TMEM245: variants seen among roughly 807,000 people sequenced by gnomAD.
TMEM245 encodes the protein transmembrane protein 245.
A neutral mutation model predicts 101.2 loss-of-function variants in TMEM245; 69 were observed. The observed-to-expected ratio is 0.68, with a 90% CI of 0.56 to 0.83. The LOEUF is 0.83. TMEM245 is among the 40% of genes least tolerant of loss of function. TMEM245 has a pLI of 0.00. For missense variants in TMEM245, 1,075 were observed against 1,092.8 expected (o/e 0.98, Z 0.23); for synonymous variants, 537 against 449.8 (o/e 1.19, Z -2.45).
rs747782537 is a variant in TMEM245 at position 109,091,056 on chromosome 9, C to T, written c.1016G>A (p.Arg339Lys). ...TSPSPTLGRR[R>K]PEIGTFLRKK... The stretch of plus-strand genomic sequence containing the variant: ...TCTAAGAAACGTTCCTATTTCAGGC[C>T]TTCGTCTGCCCAGAGTAGGTGAAGG... The change falls in exon 5 of 18, where the codon AGG becomes AAG. Residue 339 changes from arginine to lysine, a missense_variant. Coordinates refer to ENST00000374586, the MANE Select transcript of TMEM245 (RefSeq NM_032012.4). 6.2e-7 allele frequency: 1 copy of T among 1,614,122 alleles called. No individual in the cohort carries two copies. Among genetic ancestry groups the T allele is most frequent in the Non-Finnish European group, 8.5e-7 (1 of 1,180,032 alleles).
intron 3 of TMEM245, among the ~76,000 whole-genome samples, chr9:109,098,275 A>G (rs1378638975): frequency 1.3e-5 from 2 of 152,208 alleles, no homozygotes; most frequent in Non-Finnish European, 2.9e-5. Flanking sequence ...GCACTAAAAT[A>G]TGCAGTAAAT....
intron 8 of TMEM245, among the ~76,000 whole-genome samples, chr9:109,079,910 T>C (rs540252949): frequency 7.2e-5 from 11 of 152,092 alleles, no homozygotes; most frequent in African/African-American, 2.7e-4. Context: ...ATAATTAATA[T>C]CCAAAGAACA....
chr9:109,081,403 T>C (rs990061841), intron 7 of TMEM245, among the ~76,000 whole-genome samples: 2 of 152,168 alleles, frequency 1.3e-5, no homozygotes, highest in African/African-American at 2.4e-5. Flanking sequence ...AAAATACAGA[T>C]AAAATTGGAG....
intron 10 of TMEM245, 30 bp from the exon 11 acceptor site, chr9:109,060,482 C>T: frequency 6.7e-7 from 1 of 1,498,278 alleles, no homozygotes; most frequent in Non-Finnish European, 9.3e-7. Flanking sequence ...CGACGTGGTA[C>T]AATATTTCAG....
At chr9:109,036,510 T>C in intron 15 of TMEM245, 130 bp from the exon 16 acceptor site, 1 of 891,858 alleles carries the variant, frequency 1.1e-6, no homozygotes, top group South Asian at 2.2e-5. Flanking sequence ...AACTCAAATA[T>C]TAGGGAAATG....
intron 12 of TMEM245, among the ~76,000 whole-genome samples, chr9:109,056,389 T>C (rs1323957606): frequency 5.7e-5 from 8 of 140,754 alleles, no homozygotes; most frequent in African/African-American, 2.2e-4. Context: ...AGGTCAGGAG[T>C]TCAAGACCAG....
chr9:109,110,991 G>T (rs374935545), intron 1 of TMEM245, among the ~76,000 whole-genome samples: 6 of 151,856 alleles, frequency 4.0e-5, no homozygotes, highest in African/African-American at 1.5e-4. Context: ...TTAATTTTGC[G>T]CTACCAAACC....
intron 5 of TMEM245, among the ~76,000 whole-genome samples, chr9:109,089,079 C>T (rs543398567): frequency 6.6e-6 from 1 of 151,976 alleles, no homozygotes; most frequent in East Asian, 1.9e-4. Context: ...AGTTTGAGAC[C>T]AGCCTGGGCA....
chr9:109,079,040 G>A (rs1829596310), intron 8 of TMEM245, among the ~76,000 whole-genome samples: 1 of 152,100 alleles, frequency 6.6e-6, no homozygotes, highest in African/African-American at 2.4e-5. Flanking sequence ...CTTCCTTCAA[G>A]AAAAGCTGCA....
At chr9:109,039,539 G>A (rs1828240170) in intron 14 of TMEM245, among the ~76,000 whole-genome samples, 1 of 152,112 alleles carries the variant, frequency 6.6e-6, no homozygotes, top group South Asian at 2.1e-4. Context: ...CAAAAAGGAT[G>A]ATGAAAATAC....
At chr9:109,074,611 G>A (rs1438426097) in intron 8 of TMEM245, among the ~76,000 whole-genome samples, 1 of 150,340 alleles carries the variant, frequency 6.7e-6, no homozygotes, top group African/African-American at 2.4e-5. Flanking sequence ...TTTCTGCAGT[G>A]AAAGTTCCAT....
chr9:109,020,165 T>C lies in TMEM245; in HGVS notation c.*295A>G, dbSNP rs1827575805. ...AATATAGTAACATAGATAACCAAAG[T>C]GGAAAAATTTCAAGCCAGGGTACCA... is the stretch of plus-strand genomic sequence containing the variant. On this transcript the variant is annotated 3_prime_UTR_variant, in exon 18 of 18. Coordinates refer to ENST00000374586, the MANE Select transcript of TMEM245 (RefSeq NM_032012.4). 1 of 336,012 alleles carries C rather than the reference T, an allele frequency of 3.0e-6. No individual in the cohort carries two copies. Among genetic ancestry groups the C allele is most frequent in the African/African-American group, 2.1e-5 (1 of 47,230 alleles). The allele number at this position is 336,012 out of a possible 1,614,324, so 20.8% of individuals were successfully genotyped here.
chr9:109,040,467 A>G (rs971871760), intron 14 of TMEM245, among the ~76,000 whole-genome samples: 1 of 152,166 alleles, frequency 6.6e-6, no homozygotes, highest in Non-Finnish European at 1.5e-5. Flanking sequence ...CATCACCCCA[A>G]AAAGTTCCCT....
intron 9 of TMEM245, among the ~76,000 whole-genome samples, chr9:109,071,479 C>T (rs1210839474): frequency 6.6e-6 from 1 of 151,796 alleles, no homozygotes; most frequent in Admixed American, 6.6e-5. Flanking sequence ...TGGCTCATGC[C>T]TGTAGTCCCA....
chr9:109,054,693 T>C (rs550674320), intron 12 of TMEM245, among the ~76,000 whole-genome samples: 1 of 152,174 alleles, frequency 6.6e-6, no homozygotes, highest in Non-Finnish European at 1.5e-5. Flanking sequence ...CTCTAGAGGA[T>C]GAAATACAGT....
rs1828975557 is a variant in TMEM245 at position 109,060,411 on chromosome 9, T to C, written c.1665A>G (p.Val555=). ...ILGDKVNNTA[V]IEKQVLELWD... ...AAAGTTCTAGTACTTGCTTTTCAAT[T>C]ACAGCAGTATTGTTCACCTTATCTC... The change falls in exon 11 of 18, where the codon GTA becomes GTG. Residue 555 remains valine (V), a synonymous_variant. Transcript: ENST00000374586. The C allele has an allele frequency of 6.2e-7, 1 of 1,613,704 alleles. No homozygotes were observed.
At chr9:109,108,660 G>T in intron 1 of TMEM245, 90 bp from the exon 2 acceptor site, 1 of 900,606 alleles carries the variant, frequency 1.1e-6, no homozygotes. Flanking sequence ...TATACAGCAG[G>T]AATGCTCTGG....
intron 3 of TMEM245, among the ~76,000 whole-genome samples, chr9:109,098,048 C>G (rs1055547712): frequency 6.6e-5 from 10 of 152,222 alleles, no homozygotes; most frequent in African/African-American, 2.2e-4. Flanking sequence ...AAGCCACTAA[C>G]CCTTCTGTAG....
chr9:109,024,985 G>A (rs1243121183), intron 17 of TMEM245, among the ~76,000 whole-genome samples: 2 of 152,180 alleles, frequency 1.3e-5, no homozygotes, highest in East Asian at 1.9e-4. Flanking sequence ...ACTGGAGGCA[G>A]GAACCAGTAA....
Sources: gnomAD v4.1 joint callset for allele counts (sites outside exome capture counted in the v4.1 genomes callset) on GRCh38, gnomAD v4.1.1 for gene constraint, MANE v1.5 for transcripts, NCBI Gene and HGNC (gene_info 2026-07-23, HGNC 2026-07-21) for gene names.